PEX14: variants seen among roughly 807,000 people sequenced by gnomAD.
The protein encoded by PEX14 is peroxisomal membrane protein PEX14.
A neutral mutation model predicts 49.5 loss-of-function variants in PEX14; 15 were observed. The observed-to-expected ratio is 0.30, with a 90% confidence interval of 0.20 to 0.47. The LOEUF (loss-of-function observed/expected upper bound fraction) is 0.47, where lower values mean the gene tolerates loss of function less well. PEX14 is among the 20% of genes least tolerant of loss of function. The pLI is 1.00. For synonymous variants in PEX14, 210 were observed against 212.7 expected (o/e 0.99, Z 0.11); for missense variants, 398 against 494.8 (o/e 0.80, Z 1.86).
intron 4 of PEX14, among the ~76,000 whole-genome samples, chr1:10,610,573 C>G (rs996531375): frequency 6.6e-6 from 1 of 151,950 alleles, no homozygotes; most frequent in Non-Finnish European, 1.5e-5. Context: ...CCTCTGCCTC[C>G]CGGGTGGGTT....
intron 1 of PEX14, among the ~76,000 whole-genome samples, chr1:10,490,461 T>A (rs1641451485): frequency 6.6e-6 from 1 of 152,162 alleles, no homozygotes; most frequent in South Asian, 2.1e-4. Flanking sequence ...GCCTTCCAGT[T>A]GGGGAAGGTC....
chr1:10,532,419 G>C (rs1638676277), intron 2 of PEX14, among the ~76,000 whole-genome samples: 1 of 151,996 alleles, frequency 6.6e-6, no homozygotes, highest in South Asian at 2.1e-4. Flanking sequence ...GGGAGAAACT[G>C]GTCTGTTTTC....
At chr1:10,480,839 CTT>C (rs1641269951) in intron 1 of PEX14, among the ~76,000 whole-genome samples, 6 of 140,084 alleles carry the variant, frequency 4.3e-5, no homozygotes, top group East Asian at 3.9e-4. Flanking sequence ...CTCTCTCTCT[CTT>C]TCTCTCTCTC....
intron 2 of PEX14, among the ~76,000 whole-genome samples, chr1:10,498,351 A>T (rs779827445): frequency 2.9e-4 from 44 of 152,170 alleles, no homozygotes; most frequent in Non-Finnish European, 5.9e-4. Context: ...ACGACAGAAG[A>T]AGTTCTATTT....
At chr1:10,568,460 TATA>T (rs1448538337) in intron 3 of PEX14, among the ~76,000 whole-genome samples, 1 of 151,988 alleles carries the variant, frequency 6.6e-6, no homozygotes, top group African/African-American at 2.4e-5. Context: ...GAAATAATCA[TATA>T]ATTATTGTCT....
chr1:10,499,653 T>A (rs559729374), intron 2 of PEX14, among the ~76,000 whole-genome samples: 49 of 152,210 alleles, frequency 3.2e-4, no homozygotes, highest in African/African-American at 1.2e-3. Flanking sequence ...TTCACCATGT[T>A]GGCCAGGATG....
At chr1:10,617,975 T>C (rs550403222) in intron 4 of PEX14, among the ~76,000 whole-genome samples, 9 of 152,208 alleles carry the variant, frequency 5.9e-5, no homozygotes, top group Non-Finnish European at 1.3e-4. Context: ...AACATACTCC[T>C]GTTATCCTCT....
chr1:10,600,722 AAAAT>A (rs1159540850), intron 4 of PEX14, among the ~76,000 whole-genome samples: 1 of 152,148 alleles, frequency 6.6e-6, no homozygotes, highest in Admixed American at 6.5e-5. Context: ...TGTCTCAAAA[AAAAT>A]AAAATAAAAT....
At chr1:10,496,664 G>A (rs1641570393) in intron 2 of PEX14, among the ~76,000 whole-genome samples, 1 of 151,972 alleles carries the variant, frequency 6.6e-6, no homozygotes, top group African/African-American at 2.4e-5. Flanking sequence ...CAGTTGGCCA[G>A]CTCACTGATT....
In PEX14 at chr1:10,629,555, A is replaced by T; in HGVS notation, c.702A>T (p.Ser234=). 6.2e-7 allele frequency: 1 copy of T among 1,613,554 alleles called. No homozygotes were observed. The highest frequency in any genetic ancestry group is 8.5e-7 in the Non-Finnish European group (1 of 1,179,746). ...GGAGGCAGTTCCCTCCATCCCCATC[A>T]GCCCCGAAGATCCCCTCCTGGCAGA... ...LNRRQFPPSP[S]APKIPSWQIP... Residue 234 remains serine (S), a synonymous_variant, in exon 9 of 9, where the codon TCA becomes TCT. Transcript: ENST00000356607. The surrounding 1 kb of genome is among the most constrained non-coding windows in gnomAD (Gnocchi z 8.5).
intron 3 of PEX14, among the ~76,000 whole-genome samples, chr1:10,581,993 G>A (rs918379641): frequency 3.6e-5 from 4 of 112,412 alleles, no homozygotes; most frequent in Admixed American, 1.1e-4. Flanking sequence ...ACTATATCTT[G>A]CCATCCCACT....
intron 3 of PEX14, among the ~76,000 whole-genome samples, chr1:10,559,041 T>G (rs1299518112): frequency 6.6e-6 from 1 of 152,226 alleles, no homozygotes; most frequent in Non-Finnish European, 1.5e-5. Context: ...TTTATTATTT[T>G]TAATAGTCCT....
At chr1:10,504,172 C>T (rs986315143) in intron 2 of PEX14, among the ~76,000 whole-genome samples, 2 of 152,206 alleles carry the variant, frequency 1.3e-5, no homozygotes, top group African/African-American at 4.8e-5. Context: ...TAAAGTGGTG[C>T]TTTGGAGAAG....
At chr1:10,581,305 C>CTTTTTT (rs71583884) in intron 3 of PEX14, among the ~76,000 whole-genome samples, 2 of 126,970 alleles carry the variant, frequency 1.6e-5, no homozygotes, top group Admixed American at 8.0e-5. Context: ...CTTTGTTATC[C>CTTTTTT]TTTTTTTTTT....
In PEX14 at chr1:10,554,236, G is replaced by A. The variant is rs185874854; in HGVS notation, c.169+17939G>A. On this transcript the variant is annotated intron_variant, in intron 3 of 8. Transcript: ENST00000356607. ...GGAGGATGGCGTGAACCTGGGAGGC[G>A]GAGCTTGTAGTGAGCCGAGATCGCA... Among the ~76,000 whole-genome samples, 412 of 150,780 alleles carry A rather than the reference G, an allele frequency of 2.7e-3. 3 individuals carry two copies. The highest frequency in any genetic ancestry group is 9.4e-3 in the African/African-American group (387 of 41,110).
chr1:10,629,876 C>T lies in PEX14; in HGVS notation c.1023C>T (p.Asp341=), dbSNP rs768928352. The change falls in exon 9 of 9, where the codon GAC becomes GAT. Residue 341 remains aspartate (D), a synonymous_variant. Transcript: ENST00000356607. The surrounding 1 kb of genome is among the most constrained non-coding windows in gnomAD (Gnocchi z 8.5). ...DDDVSHVDEE[D]CLGVQREDRR... Reference sequence around the variant, plus strand: ...ATGTGAGCCATGTGGACGAGGAGGACTGCCTGGGGGTGCAGAGGGAGGACC... The same window carrying T: ...ATGTGAGCCATGTGGACGAGGAGGATTGCCTGGGGGTGCAGAGGGAGGACC... 2 of 1,612,742 alleles carry T rather than the reference C, an allele frequency of 1.2e-6. No homozygotes were observed. The highest frequency in any genetic ancestry group is 1.7e-6 in the Non-Finnish European group (2 of 1,179,280).
intron 2 of PEX14, among the ~76,000 whole-genome samples, chr1:10,510,921 C>A (rs908076241): frequency 7.2e-5 from 11 of 152,328 alleles, no homozygotes; most frequent in Non-Finnish European, 7.4e-5. Context: ...AACATTATAA[C>A]TGAGACCTTT....
intron 3 of PEX14, among the ~76,000 whole-genome samples, chr1:10,579,699 C>T (rs1425135551): frequency 6.6e-6 from 1 of 152,054 alleles, no homozygotes; most frequent in African/African-American, 2.4e-5. Context: ...GTTAACTTCC[C>T]GATGTTGCCA....
chr1:10,508,676 G>T (rs1641832079), intron 2 of PEX14, among the ~76,000 whole-genome samples: 1 of 152,240 alleles, frequency 6.6e-6, no homozygotes, highest in Non-Finnish European at 1.5e-5. Flanking sequence ...AGAAAGGCTG[G>T]TTGCAGGCAG....
Sources: allele counts gnomAD v4.1 joint callset (sites outside exome capture counted in the v4.1 genomes callset), GRCh38; gene constraint gnomAD v4.1.1; non-coding constraint Gnocchi (gnomAD v3.1); transcripts MANE v1.5; gene names NCBI Gene and HGNC (gene_info 2026-07-23, HGNC 2026-07-21).